Variants in SLC51A observed in about 807,000 individuals in gnomAD.
SLC51A encodes the protein solute carrier family 51 member A.
SLC51A carries 22 observed loss-of-function variants against 34.8 expected under a neutral mutation model. The observed-to-expected ratio is 0.63, with a 90% CI of 0.45 to 0.90. The LOEUF (loss-of-function observed/expected upper bound fraction) is 0.90. Ranked by LOEUF, SLC51A falls within the 40% of genes least tolerant of loss-of-function variation. The pLI, the probability that SLC51A is intolerant of heterozygous loss-of-function variation, is 0.00. For synonymous variants in SLC51A, 181 were observed against 176.3 expected, an observed-to-expected ratio of 1.03 and a Z score of -0.21; for missense variants, 371 against 414.8, an observed-to-expected ratio of 0.89 and a Z score of 0.92.
chr3:196,227,428 G>A (rs73212134), intron 3 of SLC51A: 36,341 of 593,994 alleles, frequency 0.061, 1,335 homozygotes, highest in Middle Eastern at 0.11. Context: ...AGAGTGTGGG[G>A]GAAAGTCTCA....
Position 196,228,582 on chromosome 3 carries a change from C to T in SLC51A, c.522-227C>T. 1 of 607,434 alleles carries T rather than the reference C, an allele frequency of 1.6e-6. No individual in the cohort carries two copies. Among genetic ancestry groups the T allele is most frequent in the Non-Finnish European group, 2.9e-6 (1 of 343,492 alleles). The allele number at this position is 607,434 out of a possible 1,614,324, so 37.6% of individuals were successfully genotyped here. A position where few individuals can be genotyped will look rare whatever the true frequency, so the allele number is the denominator to read the frequency against. ...GTGAATGAGGTTGAGGTCACACTCC[C>T]AGACCTCGCTCCAAAGACGGAATTC... On this transcript the variant is annotated intron_variant, in intron 5 of 8. Transcript: ENST00000296327. The surrounding 1 kb of genome is among the most constrained non-coding windows in gnomAD (Gnocchi z 4.9).
rs2342308 is a variant in SLC51A, at chr3:196,218,378, A to G, written c.133+442A>G. On this transcript the variant is annotated intron_variant, in intron 2 of 8. Transcript: ENST00000296327. ...GTGACGTGCTTCACACAGGTGAACC[A>G]GTTGTATTTGTTTTACGATCCAGCC... 9.0e-4 allele frequency among the ~76,000 whole-genome samples: 137 copies of G among 152,342 alleles called. No individual in the cohort carries two copies. In the Middle Eastern group the frequency reaches 0.034, roughly 38 times the overall value.
At chr3:196,227,904 C>A in intron 4 of SLC51A, 167 bp downstream of exon 4, 1 of 902,954 alleles carries the variant, frequency 1.1e-6, no homozygotes, top group Non-Finnish European at 1.7e-6. Flanking sequence ...CTCATTTTGG[C>A]ATCTGGCACA....
intron 3 of SLC51A, 105 bp downstream of exon 3, chr3:196,227,224 C>A: frequency 9.7e-7 from 1 of 1,029,304 alleles, no homozygotes; most frequent in Non-Finnish European, 1.4e-6. Flanking sequence ...GAGTGTCCTG[C>A]CACGACCCGC....
chr3:196,217,201 C>G (rs1038418291), intron 1 of SLC51A, among the ~76,000 whole-genome samples: 11 of 152,210 alleles, frequency 7.2e-5, no homozygotes, highest in African/African-American at 1.7e-4. Flanking sequence ...CTTACTCCCC[C>G]ACCTGGGCCA....
intron 7 of SLC51A, among the ~76,000 whole-genome samples, chr3:196,230,817 G>A (rs1267585178): frequency 6.6e-6 from 1 of 152,164 alleles, no homozygotes; most frequent in Non-Finnish European, 1.5e-5. Context: ...AGTCAAATTG[G>A]ATTAAGGGCC....
intron 8 of SLC51A, 75 bp from the exon 9 acceptor site, chr3:196,232,985 TCCC>T: frequency 1.4e-6 from 2 of 1,437,388 alleles, no homozygotes; most frequent in Non-Finnish European, 1.9e-6. Flanking sequence ...GTTGCTCAAC[TCCC>T]GTGCCCGGGC....
In SLC51A at chr3:196,226,986, C is replaced by T. The variant is rs1300596234; in HGVS notation, c.155C>T (p.Ala52Val). 1 of 1,613,428 alleles carries T rather than the reference C, an allele frequency of 6.2e-7. No individual in the cohort carries two copies. Among genetic ancestry groups the T allele is most frequent in the African/African-American group, 1.3e-5 (1 of 74,866 alleles). Reference protein sequence around the residue: ...LLRALGPVELALTSILTLLAL... With the variant: ...LLRALGPVELVLTSILTLLAL... The stretch of plus-strand genomic sequence containing the variant: ...CTAGCCCTGGGCCCTGTGGAACTTG[C>T]CCTCACTAGCATCCTGACCTTGCTG... The change falls in exon 3 of 9, where the codon GCC (alanine) becomes GTC (valine). Residue 52 changes from alanine to valine, a missense_variant. Physicochemically the swap from Ala to Val is moderately conservative, Grantham distance 64. Transcript: ENST00000296327.
In SLC51A at chr3:196,228,029, C is replaced by A; in HGVS notation, c.363-86C>A. 6.5e-7 allele frequency: 1 copy of A among 1,542,956 alleles called. No individual in the cohort carries two copies. The highest frequency in any genetic ancestry group is 1.8e-5 in the Admixed American group (1 of 55,206). ...ACACACCCAGAACGCCCAGCCCTAGCTCTGCTCCTCAGTAAGCCCCACCTC... is the reference window on the plus strand; with the variant it reads ...ACACACCCAGAACGCCCAGCCCTAGATCTGCTCCTCAGTAAGCCCCACCTC... On this transcript the variant is annotated intron_variant, in intron 4 of 8. Transcript: ENST00000296327. The surrounding 1 kb of genome is among the most constrained non-coding windows in gnomAD (Gnocchi z 4.9).
rs140604977 is a variant in SLC51A, at chr3:196,226,653, A to G, written c.134-312A>G. ...GCCGGGCATAGTGGTGGGTGTCTGT[A>G]ATCCCAGCTACTTGGGAGGCTGAGG... On this transcript the variant is annotated intron_variant, in intron 2 of 8. Transcript: ENST00000296327. 2.4e-3 allele frequency: 440 copies of G among 187,158 alleles called. 1 individual carries two copies. The highest frequency in any genetic ancestry group is 0.01 in the African/African-American group (425 of 42,352). The allele number at this position is 187,158 out of a possible 1,614,324, so 11.6% of individuals were successfully genotyped here. A position where few individuals can be genotyped will look rare whatever the true frequency, so the allele number is the denominator to read the frequency against.
intron 7 of SLC51A, 92 bp downstream of exon 7, chr3:196,230,153 C>T (rs181737200): frequency 3.8e-5 from 47 of 1,240,058 alleles, no homozygotes; most frequent in South Asian, 2.7e-4. Flanking sequence ...TAAAGTGGGC[C>T]GGGAATCTTT....
Position 196,229,919 on chromosome 3 carries a change from C to T in SLC51A, c.638C>T (p.Ser213Phe), listed in dbSNP as rs370955464. 2.6e-5 allele frequency: 42 copies of T among 1,598,402 alleles called. No individual in the cohort carries two copies. The highest frequency in any genetic ancestry group is 3.3e-5 in the Non-Finnish European group (39 of 1,172,924). Residue 213 changes from serine (S) to phenylalanine (F), a missense_variant, in exon 7 of 9, where the codon TCT (serine) becomes TTT (phenylalanine). Transcript: ENST00000296327. ...PDGIYDPADI[S>F]EGSTALWINT... The stretch of plus-strand genomic sequence containing the variant: ...ACTACTTTCTGTTGCCACCAGATTT[C>T]TGAGGGGAGCACAGCTCTATGGATC...
In SLC51A at chr3:196,228,324, A is replaced by C; in HGVS notation, c.521+51A>C. ...CCAGGAGCCGGGGAGCCTCTCCTGG[A>C]CCCCTGGTCCCCTTCAAGGCTCTGG... is the stretch of plus-strand genomic sequence containing the variant. On this transcript the variant is annotated intron_variant, in intron 5 of 8. Coordinates refer to ENST00000296327, the MANE Select transcript of SLC51A (RefSeq NM_152672.6). The surrounding 1 kb of genome is among the most constrained non-coding windows in gnomAD (Gnocchi z 4.9). The C allele has an allele frequency of 6.4e-7, 1 of 1,570,640 alleles. No homozygotes were observed. Among genetic ancestry groups the C allele is most frequent in the Non-Finnish European group, 8.6e-7 (1 of 1,162,940 alleles).
intron 7 of SLC51A, among the ~76,000 whole-genome samples, chr3:196,230,980 A>G (rs1724018290): frequency 6.6e-6 from 1 of 152,176 alleles, no homozygotes. Flanking sequence ...CAAACCTTAC[A>G]TTTGTCTCCT....
At chr3:196,222,319 T>C (rs1429916349) in intron 2 of SLC51A, among the ~76,000 whole-genome samples, 3 of 152,152 alleles carry the variant, frequency 2.0e-5, no homozygotes, top group Non-Finnish European at 2.9e-5. Flanking sequence ...GAGTCCTTCA[T>C]GGAAACAGAG....
intron 6 of SLC51A, 26 bp from the exon 7 acceptor site, chr3:196,229,889 C>T (rs1398503511): frequency 1.5e-5 from 24 of 1,580,682 alleles, no homozygotes; most frequent in Non-Finnish European, 2.0e-5. Context: ...TTGCCTGCCT[C>T]ACTGACTACT....
chr3:196,231,668 G>A (rs1427858486), intron 7 of SLC51A, among the ~76,000 whole-genome samples: 2 of 152,184 alleles, frequency 1.3e-5, no homozygotes, highest in African/African-American at 2.4e-5. Flanking sequence ...GATAAAAGCC[G>A]TGTGATGGCC....
chr3:196,219,431 T>C (rs1348582217), intron 2 of SLC51A, among the ~76,000 whole-genome samples: 1 of 152,212 alleles, frequency 6.6e-6, no homozygotes, highest in Admixed American at 6.5e-5. Flanking sequence ...TGTGTCTCTG[T>C]AGCACATTTA....
intron 3 of SLC51A, 41 bp downstream of exon 3, chr3:196,227,160 A>G: frequency 6.3e-7 from 1 of 1,599,872 alleles, no homozygotes; most frequent in Non-Finnish European, 8.5e-7. Context: ...AACTGAAAAG[A>G]AGGCAGAGAC....
Sources: gnomAD v4.1 joint callset for allele counts (sites outside exome capture counted in the v4.1 genomes callset) on GRCh38, gnomAD v4.1.1 for gene constraint, Gnocchi (gnomAD v3.1) non-coding constraint, MANE v1.5 for transcripts, NCBI Gene and HGNC (gene_info 2026-07-23, HGNC 2026-07-21) for gene names.